CSNK1G1: variants seen among roughly 807,000 people sequenced by gnomAD.
CSNK1G1 encodes the protein casein kinase 1 gamma 1.
Under a neutral mutation model 59.6 loss-of-function variants are expected in CSNK1G1, and 22 were observed. The observed-to-expected ratio is 0.37, with a 90% CI of 0.26 to 0.53. The LOEUF (loss-of-function observed/expected upper bound fraction) is 0.53. Among genes scored for constraint, CSNK1G1 ranks in the 20% least tolerant of loss-of-function variants. CSNK1G1 has a pLI of 0.89. For missense variants in CSNK1G1, 384 were observed against 519.5 expected, an observed-to-expected ratio of 0.74 and a Z score of 2.54; for synonymous variants, 179 against 177.1, an observed-to-expected ratio of 1.01 and a Z score of -0.08.
intron 1 of CSNK1G1, among the ~76,000 whole-genome samples, chr15:64,354,402 A>G (rs1898517896): frequency 6.6e-6 from 1 of 152,236 alleles, no homozygotes; most frequent in South Asian, 2.1e-4. Flanking sequence ...ATTTACATAC[A>G]TTACTTTTTC....
intron 4 of CSNK1G1, among the ~76,000 whole-genome samples, chr15:64,231,359 T>A (rs1398717117): frequency 6.8e-6 from 1 of 147,440 alleles, no homozygotes; most frequent in Non-Finnish European, 1.5e-5. Context: ...TATTTATATT[T>A]TATATTTATA....
chr15:64,237,248 A>C (rs2140299436), intron 4 of CSNK1G1, among the ~76,000 whole-genome samples: 1 of 152,294 alleles, frequency 6.6e-6, no homozygotes, highest in Non-Finnish European at 1.5e-5. Context: ...ATATAACAAA[A>C]TTGCACAGGT....
intron 1 of CSNK1G1, among the ~76,000 whole-genome samples, chr15:64,332,586 A>G (rs1306616577): frequency 6.7e-6 from 1 of 148,758 alleles, no homozygotes; most frequent in Non-Finnish European, 1.5e-5. Flanking sequence ...ATGACGAGTT[A>G]GTGGGTGCAG....
At chr15:64,173,032 C>T (rs1347494108) in intron 11 of CSNK1G1, among the ~76,000 whole-genome samples, 1 of 152,096 alleles carries the variant, frequency 6.6e-6, no homozygotes, top group Non-Finnish European at 1.5e-5. Context: ...TCAAAGATGC[C>T]GGATGATGGA....
At chr15:64,233,077 C>T (rs1036953606) in intron 4 of CSNK1G1, among the ~76,000 whole-genome samples, 12 of 152,202 alleles carry the variant, frequency 7.9e-5, no homozygotes, top group Admixed American at 2.0e-4. Context: ...AGAACCTTAC[C>T]TTCTATTTTT....
intron 2 of CSNK1G1, among the ~76,000 whole-genome samples, chr15:64,291,925 G>A (rs1332548616): frequency 2.6e-5 from 4 of 152,106 alleles, no homozygotes; most frequent in African/African-American, 7.2e-5. Context: ...AAAGCAGGGC[G>A]CAGTGGCTCA....
chr15:64,190,639 C>G (rs1396064036), intron 10 of CSNK1G1, among the ~76,000 whole-genome samples: 1 of 152,130 alleles, frequency 6.6e-6, no homozygotes, highest in Non-Finnish European at 1.5e-5. Flanking sequence ...GTCTTGAACT[C>G]CCGACCTCAG....
At chr15:64,226,349 G>A (rs377623057) in intron 4 of CSNK1G1, among the ~76,000 whole-genome samples, 15 of 152,170 alleles carry the variant, frequency 9.9e-5, no homozygotes, top group African/African-American at 3.6e-4. Context: ...CACGAGGTCA[G>A]GAGATCAAGA....
At chr15:64,230,467 T>A (rs2082531917) in intron 4 of CSNK1G1, among the ~76,000 whole-genome samples, 1 of 152,018 alleles carries the variant, frequency 6.6e-6, no homozygotes, top group South Asian at 2.1e-4. Context: ...CCTGGCTAAT[T>A]TTTAATTTTT....
intron 11 of CSNK1G1, among the ~76,000 whole-genome samples, chr15:64,172,333 A>G (rs988598950): frequency 1.3e-5 from 2 of 152,202 alleles, no homozygotes; most frequent in African/African-American, 4.8e-5. Flanking sequence ...GGGGGTCCTC[A>G]GGGCTGCATA....
At chr15:64,311,209 C>A (rs1895978466) in intron 1 of CSNK1G1, among the ~76,000 whole-genome samples, 1 of 151,732 alleles carries the variant, frequency 6.6e-6, no homozygotes, top group African/African-American at 2.4e-5. Flanking sequence ...CCATGCCCAG[C>A]TAATTTTGGT....
At chr15:64,302,419 G>C (rs1011841788) in intron 1 of CSNK1G1, among the ~76,000 whole-genome samples, 1 of 151,802 alleles carries the variant, frequency 6.6e-6, no homozygotes, top group Non-Finnish European at 1.5e-5. Context: ...CTTTATTATA[G>C]TTTAAATAAA....
At chr15:64,355,801 T>C (rs1055997838) in intron 1 of CSNK1G1, among the ~76,000 whole-genome samples, 187 bp downstream of exon 1, 6 of 152,204 alleles carry the variant, frequency 3.9e-5, no homozygotes, top group Admixed American at 3.9e-4. Context: ...CTCCACCCGC[T>C]GTGTCCCTCA....
intron 1 of CSNK1G1, among the ~76,000 whole-genome samples, chr15:64,321,569 A>G (rs1896568296): frequency 6.6e-6 from 1 of 152,202 alleles, no homozygotes; most frequent in Non-Finnish European, 1.5e-5. Context: ...CAGCCTAATT[A>G]AAGCATTTCT....
At chr15:64,271,013 C>A (rs1247810469) in intron 2 of CSNK1G1, among the ~76,000 whole-genome samples, 1 of 152,010 alleles carries the variant, frequency 6.6e-6, no homozygotes, top group Non-Finnish European at 1.5e-5. Flanking sequence ...GACAGAGTCT[C>A]GCTCTGTCTC....
chr15:64,321,460 G>A (rs1334863816), intron 1 of CSNK1G1, among the ~76,000 whole-genome samples: 1 of 151,846 alleles, frequency 6.6e-6, no homozygotes, highest in African/African-American at 2.4e-5. Context: ...ACTAGGTTGT[G>A]CTATGTTTGC....
chr15:64,228,258 T>C (rs371748440), intron 4 of CSNK1G1, among the ~76,000 whole-genome samples: 1 of 151,590 alleles, frequency 6.6e-6, no homozygotes, highest in African/African-American at 2.4e-5. Flanking sequence ...ATTATAAAAG[T>C]GATAAACAGA....
chr15:64,202,817 T>C (rs553482239), intron 10 of CSNK1G1, among the ~76,000 whole-genome samples: 2 of 152,286 alleles, frequency 1.3e-5, no homozygotes, highest in African/African-American at 4.8e-5. Flanking sequence ...CCTCCCAAAG[T>C]GCTTGGATTA....
intron 2 of CSNK1G1, among the ~76,000 whole-genome samples, chr15:64,268,457 T>C (rs1264112120): frequency 2.0e-5 from 3 of 152,190 alleles, no homozygotes; most frequent in Non-Finnish European, 4.4e-5. Context: ...CATCATTTCA[T>C]GTTATAACAC....
Sources: allele counts gnomAD v4.1 joint callset (sites outside exome capture counted in the v4.1 genomes callset), GRCh38; gene constraint gnomAD v4.1.1; transcripts MANE v1.5; gene names NCBI Gene and HGNC (gene_info 2026-07-23, HGNC 2026-07-21).